HAPLN2: variants seen among roughly 807,000 people sequenced by gnomAD.
HAPLN2 encodes brain link protein-1.
HAPLN2 carries 27 observed loss-of-function variants against 29.3 expected under a neutral mutation model. The ratio of observed to expected loss-of-function variants is 0.92; its 90% CI spans 0.68 to 1.27. HAPLN2 has a LOEUF of 1.27. Ranked by LOEUF, HAPLN2 falls within the 50% of genes most tolerant of loss-of-function variation. The pLI is 0.00. For synonymous variants in HAPLN2, 208 were observed against 211.7 expected, an observed-to-expected ratio of 0.98 and a Z score of 0.15; for missense variants, 454 against 484.3, an observed-to-expected ratio of 0.94 and a Z score of 0.59.
the HAPLN2 span, among the ~76,000 whole-genome samples, chr1:156,605,257 C>T: frequency 6.6e-6 from 1 of 150,926 alleles, no homozygotes; most frequent in Non-Finnish European, 1.5e-5. Flanking sequence ...TAGGGTGAGA[C>T]TCCGTCTGAA....
At chr1:156,615,319 T>C (rs969093080), upstream of HAPLN2, 12 of 152,310 alleles carry the variant, frequency 7.9e-5, no homozygotes, top group South Asian at 2.1e-4. Flanking sequence ...CCTCTATATA[T>C]GGCCAGGAGT....
chr1:156,603,672 C>A, the HAPLN2 span, among the ~76,000 whole-genome samples: 8,449 of 152,132 alleles, frequency 0.056, 344 homozygotes, highest in African/African-American at 0.11. Context: ...GGCCATAAAT[C>A]TTTGAATCAA....
Position 156,623,820 on chromosome 1 carries a change from C to A in HAPLN2, c.99C>A (p.Gly33=), listed in dbSNP as rs983873086. 3 of 1,521,112 alleles carry A rather than the reference C, an allele frequency of 2.0e-6. No homozygotes were observed. Among genetic ancestry groups the A allele is most frequent in the Non-Finnish European group, 2.6e-6 (3 of 1,135,906 alleles). The allele number at this position is 1,521,112 out of a possible 1,614,324, so 94.2% of individuals were successfully genotyped here. The part of the protein sequence containing the change: ...KAQGDPASHP[G]PHYLLPPIHE... Reference sequence around the variant, plus strand: ...CCCTCTGCCCAGCATCCCACCCGGGCCCCCACTACCTCCTGCCCCCCATCC... The same window carrying A: ...CCCTCTGCCCAGCATCCCACCCGGGACCCCACTACCTCCTGCCCCCCATCC... The change falls in exon 4 of 7, where the codon GGC becomes GGA. Residue 33 remains glycine, a synonymous_variant. Transcript: ENST00000255039.
At chr1:156,602,112 A>ATT in the HAPLN2 span, among the ~76,000 whole-genome samples, 20 of 151,562 alleles carry the variant, frequency 1.3e-4, no homozygotes, top group African/African-American at 4.6e-4. Flanking sequence ...TAATTTCTGT[A>ATT]TTTTTTTTGT....
the HAPLN2 span, among the ~76,000 whole-genome samples, chr1:156,610,611 G>T: frequency 6.6e-6 from 1 of 151,364 alleles, no homozygotes; most frequent in African/African-American, 2.4e-5. Flanking sequence ...TTGCACTCCA[G>T]CCTGGGCAAC....
chr1:156,605,357 C>G, the HAPLN2 span, among the ~76,000 whole-genome samples: 67 of 151,198 alleles, frequency 4.4e-4, 1 homozygote, highest in South Asian at 0.014. Flanking sequence ...TTTGCGAGGC[C>G]GACATGGTCA....
At chr1:156,612,561 C>A in the HAPLN2 span, among the ~76,000 whole-genome samples, 1 of 152,144 alleles carries the variant, frequency 6.6e-6, no homozygotes, top group Non-Finnish European at 1.5e-5. Context: ...GCTCCTGTTT[C>A]TTGCTTCTGT....
Position 156,625,575 on chromosome 1 carries a change from G to C in HAPLN2, c.*191G>C, listed in dbSNP as rs145471014. 2,474 of 558,508 alleles carry C rather than the reference G, an allele frequency of 4.4e-3. 55 individuals are homozygous for C. In the African/African-American group the frequency reaches 0.046, roughly 10 times the overall value. 34.6% of individuals were successfully genotyped at this position (558,508 alleles called of 1,614,324 possible). ...GGCGGCGGGGAGGGGAGGCGGGGGC[G>C]CCTCCGGCGGCGAGATGCAGAGGTG... On this transcript the variant is annotated 3_prime_UTR_variant, in exon 7 of 7. Transcript: ENST00000255039. This position sits in a 1 kb window ranked among gnomAD's most constrained non-coding sequence, Gnocchi z 5.7.
the HAPLN2 span, among the ~76,000 whole-genome samples, chr1:156,604,527 A>G: frequency 6.6e-6 from 1 of 152,178 alleles, no homozygotes; most frequent in Non-Finnish European, 1.5e-5. Context: ...TGACCTCATG[A>G]TCTGCCTGCC....
chr1:156,603,207 C>T, the HAPLN2 span, among the ~76,000 whole-genome samples: 1 of 147,962 alleles, frequency 6.8e-6, no homozygotes, highest in East Asian at 2.0e-4. Flanking sequence ...CATTGTGTGA[C>T]CTTGAACAAT....
intron 3 of HAPLN2, 102 bp from the exon 4 acceptor site, chr1:156,623,705 G>A (rs1260777587): frequency 4.6e-6 from 7 of 1,506,350 alleles, no homozygotes; most frequent in Non-Finnish European, 6.2e-6. Context: ...ATGGAGGAGA[G>A]GGTTGGGGGG....
At chr1:156,605,220 C>G in the HAPLN2 span, among the ~76,000 whole-genome samples, 1 of 149,630 alleles carries the variant, frequency 6.7e-6, no homozygotes, top group Non-Finnish European at 1.5e-5. Context: ...GAGCCGAGAT[C>G]ACACCACTGC....
the HAPLN2 span, among the ~76,000 whole-genome samples, chr1:156,603,685 T>G: frequency 0.01 from 1,590 of 152,244 alleles, 18 homozygotes; most frequent in South Asian, 0.034. Flanking sequence ...TGAATCAAGA[T>G]TCCTAGTCTG....
chr1:156,614,973 A>T (rs904463849), upstream of HAPLN2: 1 of 152,042 alleles, frequency 6.6e-6, no homozygotes, highest in Admixed American at 6.6e-5. Flanking sequence ...ATCCTTATCC[A>T]CCTCTGAGAT....
In HAPLN2 at chr1:156,625,421, C is replaced by A; in HGVS notation, c.*37C>A. Reference sequence around the variant, plus strand: ...GTCCCCTCCAGCGCGCGCGAAGAAGCTTGGGAGTCGTGGCGGGGGTCTCTC... The same window carrying A: ...GTCCCCTCCAGCGCGCGCGAAGAAGATTGGGAGTCGTGGCGGGGGTCTCTC... On this transcript the variant is annotated 3_prime_UTR_variant, in exon 7 of 7. Coordinates refer to ENST00000255039, the MANE Select transcript of HAPLN2 (RefSeq NM_021817.3). The surrounding 1 kb of genome is among the most constrained non-coding windows in gnomAD (Gnocchi z 5.7). The A allele has an allele frequency of 6.5e-7, 1 of 1,534,800 alleles. No homozygotes were observed. Among genetic ancestry groups the A allele is most frequent in the Non-Finnish European group, 8.8e-7 (1 of 1,140,098 alleles).
At chr1:156,609,686 A>G in the HAPLN2 span, among the ~76,000 whole-genome samples, 17 of 152,220 alleles carry the variant, frequency 1.1e-4, no homozygotes, top group African/African-American at 4.1e-4. Flanking sequence ...AATGTCCATC[A>G]ATAGGCATCT....
the HAPLN2 span, among the ~76,000 whole-genome samples, chr1:156,604,304 C>CT: frequency 0.018 from 1,426 of 79,440 alleles, 28 homozygotes; most frequent in African/African-American, 0.058. Context: ...TTTTTTTTTT[C>CT]TTTTTTTTTT....
Position 156,625,409 on chromosome 1 carries a change from C to A in HAPLN2, c.*25C>A, listed in dbSNP as rs768759025. 10 of 1,552,908 alleles carry A rather than the reference C, an allele frequency of 6.4e-6. No individual in the cohort carries two copies. The highest frequency in any genetic ancestry group is 8.7e-6 in the Non-Finnish European group (10 of 1,149,158). ...GGCGCCCACCGTGTCCCCTCCAGCGCGCGCGAAGAAGCTTGGGAGTCGTGG... is the reference window on the plus strand; with the variant it reads ...GGCGCCCACCGTGTCCCCTCCAGCGAGCGCGAAGAAGCTTGGGAGTCGTGG... On this transcript the variant is annotated 3_prime_UTR_variant, in exon 7 of 7. Coordinates refer to ENST00000255039, the MANE Select transcript of HAPLN2 (RefSeq NM_021817.3). This position sits in a 1 kb window ranked among gnomAD's most constrained non-coding sequence, Gnocchi z 5.7.
chr1:156,610,712 A>G, the HAPLN2 span, among the ~76,000 whole-genome samples: 6 of 152,114 alleles, frequency 3.9e-5, no homozygotes, highest in Admixed American at 1.3e-4. Flanking sequence ...GTTAGAATAT[A>G]TGTATGATGT....
Sources: allele counts gnomAD v4.1 joint callset (sites outside exome capture counted in the v4.1 genomes callset), GRCh38; gene constraint gnomAD v4.1.1; non-coding constraint Gnocchi (gnomAD v3.1); transcripts MANE v1.5; gene names NCBI Gene and HGNC (gene_info 2026-07-23, HGNC 2026-07-21).